The following KIF13B variants were observed in gnomAD, a reference collection of about 807,000 sequenced individuals.
KIF13B encodes kinesin family member 13B, also known as kinesin-like protein KIF13B.
KIF13B carries 127 observed loss-of-function variants against 222.0 expected under a neutral mutation model. The observed-to-expected ratio is 0.57, with a 90% confidence interval of 0.50 to 0.66. KIF13B has a LOEUF of 0.66. Ranked by LOEUF, KIF13B falls within the 30% of genes least tolerant of loss-of-function variation. The pLI is 0.00. For synonymous variants in KIF13B, 976 were observed against 919.0 expected, an observed-to-expected ratio of 1.06 and a Z score of -1.12; for missense variants, 2,173 against 2,379.0, an observed-to-expected ratio of 0.91 and a Z score of 1.80.
At chr8:29,081,080 T>G (rs1240079369) in intron 37 of KIF13B, among the ~76,000 whole-genome samples, 1 of 152,226 alleles carries the variant, frequency 6.6e-6, no homozygotes, top group East Asian at 1.9e-4. Context: ...GCATGGTGTA[T>G]TTCTGCGGCT....
chr8:29,193,385 C>A (rs1345264779), intron 3 of KIF13B, among the ~76,000 whole-genome samples: 3 of 152,178 alleles, frequency 2.0e-5, no homozygotes, highest in Non-Finnish European at 4.4e-5. Flanking sequence ...CTGGGGGGAG[C>A]TGCCTTGCAA....
chr8:29,133,073 G>A (rs550628778), intron 22 of KIF13B, among the ~76,000 whole-genome samples: 17 of 152,144 alleles, frequency 1.1e-4, no homozygotes, highest in African/African-American at 4.1e-4. Flanking sequence ...CTTTAATGTA[G>A]TGAAGTATTT....
intron 3 of KIF13B, among the ~76,000 whole-genome samples, chr8:29,194,593 T>C (rs1163149270): frequency 6.6e-6 from 1 of 152,222 alleles, no homozygotes; most frequent in Non-Finnish European, 1.5e-5. Flanking sequence ...TGGGGACTAA[T>C]AAACACTTAC....
intron 15 of KIF13B, among the ~76,000 whole-genome samples, chr8:29,149,571 T>C (rs1022119669): frequency 1.3e-5 from 2 of 152,340 alleles, no homozygotes; most frequent in African/African-American, 4.8e-5. Flanking sequence ...AGGCAAATTC[T>C]AGCAAAGGAG....
intron 2 of KIF13B, among the ~76,000 whole-genome samples, chr8:29,236,949 A>G (rs1221907052): frequency 6.6e-6 from 1 of 152,130 alleles, no homozygotes; most frequent in Admixed American, 6.5e-5. Context: ...GCTTATAGAT[A>G]CATCATGTAA....
intron 13 of KIF13B, among the ~76,000 whole-genome samples, chr8:29,157,786 G>T (rs146142956): frequency 6.7e-6 from 1 of 148,630 alleles, no homozygotes; most frequent in Non-Finnish European, 1.5e-5. Context: ...AGCCATAATC[G>T]TACCACTGCA....
At chr8:29,237,163 T>C (rs757567625) in intron 2 of KIF13B, among the ~76,000 whole-genome samples, 1 of 152,110 alleles carries the variant, frequency 6.6e-6, no homozygotes, top group Non-Finnish European at 1.5e-5. Flanking sequence ...CCCTCCATCT[T>C]TAAAACAGAA....
At chr8:29,075,170 CA>C in intron 38 of KIF13B, 110 bp downstream of exon 38, 1 of 827,326 alleles carries the variant, frequency 1.2e-6, no homozygotes, top group Non-Finnish European at 2.0e-6. Context: ...AACTAATTAC[CA>C]AAACAGGAAT....
chr8:29,217,023 C>G (rs188437746), intron 2 of KIF13B, among the ~76,000 whole-genome samples: 107 of 152,182 alleles, frequency 7.0e-4, no homozygotes, highest in African/African-American at 2.6e-3. Context: ...ACTTATTCCT[C>G]GTTCCTCATG....
chr8:29,197,154 G>A (rs1252359094), intron 2 of KIF13B, among the ~76,000 whole-genome samples: 7 of 151,212 alleles, frequency 4.6e-5, no homozygotes, highest in East Asian at 1.9e-4. Flanking sequence ...CGGCTAAAAC[G>A]GTGAAACCCC....
At chr8:29,090,158 G>T (rs186003068) in intron 37 of KIF13B, among the ~76,000 whole-genome samples, 17 of 152,244 alleles carry the variant, frequency 1.1e-4, no homozygotes, top group Admixed American at 8.5e-4. Context: ...GAATAAAGAA[G>T]AACGAAGATT....
At chr8:29,181,873 C>G (rs751427923) in intron 7 of KIF13B, 46 bp downstream of exon 7, 4 of 1,342,772 alleles carry the variant, frequency 3.0e-6, no homozygotes, top group Non-Finnish European at 3.1e-6. Context: ...AAGAGCCCCA[C>G]CCTACTACAC....
intron 8 of KIF13B, among the ~76,000 whole-genome samples, chr8:29,177,948 T>C (rs189699754): frequency 6.6e-6 from 1 of 152,298 alleles, no homozygotes; most frequent in East Asian, 1.9e-4. Flanking sequence ...CACAACCAAA[T>C]GGGTTATGAT....
intron 10 of KIF13B, among the ~76,000 whole-genome samples, chr8:29,174,800 A>G (rs1812408524): frequency 1.3e-5 from 2 of 152,270 alleles, no homozygotes. Flanking sequence ...ATTTACGTAA[A>G]GAATGTTTTA....
chr8:29,255,058 T>C (rs556525292), intron 1 of KIF13B, among the ~76,000 whole-genome samples: 6 of 152,326 alleles, frequency 3.9e-5, no homozygotes, highest in Admixed American at 1.3e-4. Flanking sequence ...TAATATAGGA[T>C]TCCATGTATT....
chr8:29,182,967 AAC>A lies in KIF13B; in HGVS notation c.498-963_498-962del, dbSNP rs572452037. On this transcript the variant is annotated intron_variant, in intron 6 of 39. Coordinates refer to ENST00000524189, the MANE Select transcript of KIF13B (RefSeq NM_015254.4). ...CATTCCATAGTATATACATGATCAA[AAC>A]ACACTGTACTCCATAAACATATACA... is the stretch of plus-strand genomic sequence containing the variant. 4.8e-3 allele frequency among the ~76,000 whole-genome samples: 730 copies of A among 152,212 alleles called. 3 individuals are homozygous for A. The highest frequency in any genetic ancestry group is 0.016 in the African/African-American group (681 of 41,534).
intron 10 of KIF13B, among the ~76,000 whole-genome samples, chr8:29,173,575 C>G (rs1377334214): frequency 1.3e-5 from 2 of 151,518 alleles, no homozygotes; most frequent in Non-Finnish European, 2.9e-5. Flanking sequence ...TGAGTTATGA[C>G]TGCACGACTG....
intron 1 of KIF13B, among the ~76,000 whole-genome samples, chr8:29,251,627 G>C (rs1220220064): frequency 6.6e-6 from 1 of 152,096 alleles, no homozygotes; most frequent in Non-Finnish European, 1.5e-5. Context: ...AGAAAGAGGA[G>C]TTGTTATTTA....
intron 2 of KIF13B, among the ~76,000 whole-genome samples, chr8:29,244,895 G>C (rs1815953038): frequency 6.6e-6 from 1 of 152,160 alleles, no homozygotes. Flanking sequence ...AATTAGGTAG[G>C]ACAGATTATA....
Sources: allele counts gnomAD v4.1 joint callset (sites outside exome capture counted in the v4.1 genomes callset), GRCh38; gene constraint gnomAD v4.1.1; transcripts MANE v1.5; gene names NCBI Gene and HGNC (gene_info 2026-07-23, HGNC 2026-07-21).